Variants in PIK3C2A observed in about 807,000 individuals in gnomAD.
PIK3C2A encodes the protein phosphatidylinositol-4-phosphate 3-kinase catalytic subunit type 2 alpha, also known as phosphatidylinositol 4-phosphate 3-kinase C2 domain-containing subunit alpha.
Under a neutral mutation model 204.5 loss-of-function variants are expected in PIK3C2A, and 97 were observed. That is an observed-to-expected ratio of 0.47 (90% CI 0.40 to 0.56). PIK3C2A has a LOEUF of 0.56. Ranked by LOEUF, PIK3C2A falls within the 20% of genes least tolerant of loss-of-function variation. The pLI, the probability that PIK3C2A is intolerant of heterozygous loss-of-function variation, is 0.00. For synonymous variants in PIK3C2A, 653 were observed against 664.4 expected (o/e 0.98, Z 0.26); for missense variants, 1,735 against 1,969.2 (o/e 0.88, Z 2.25).
At chr11:17,143,623 TAAAAAAAAAAAA>T (rs56407565) in intron 8 of PIK3C2A, among the ~76,000 whole-genome samples, 2 of 141,622 alleles carry the variant, frequency 1.4e-5, no homozygotes, top group Non-Finnish European at 3.1e-5. Flanking sequence ...AAGAATATGT[TAAAAAAAAAAAA>T]AACAAAAAAA....
chr11:17,187,606 T>A (rs189667734), intron 1 of PIK3C2A, among the ~76,000 whole-genome samples: 1 of 152,056 alleles, frequency 6.6e-6, no homozygotes, highest in African/African-American at 2.4e-5. Context: ...TGGAGAAGTA[T>A]GAAAAACTAA....
intron 2 of PIK3C2A, among the ~76,000 whole-genome samples, chr11:17,157,132 T>C (rs1850621236): frequency 6.6e-6 from 1 of 152,182 alleles, no homozygotes; most frequent in Non-Finnish European, 1.5e-5. Flanking sequence ...GGGGCTCTTG[T>C]TTCCTCATTT....
At chr11:17,182,429 T>G (rs955416061) in intron 1 of PIK3C2A, among the ~76,000 whole-genome samples, 2 of 152,040 alleles carry the variant, frequency 1.3e-5, no homozygotes, top group East Asian at 3.9e-4. Context: ...TAGCTAGGCA[T>G]GGTGGCGCAT....
chr11:17,126,784 T>C (rs2137364036), intron 13 of PIK3C2A, among the ~76,000 whole-genome samples: 1 of 152,340 alleles, frequency 6.6e-6, no homozygotes, highest in Admixed American at 6.5e-5. Context: ...GGATGCAAAC[T>C]ATTTAAATGT....
chr11:17,184,552 T>C (rs1479573200), intron 1 of PIK3C2A, among the ~76,000 whole-genome samples: 1 of 152,176 alleles, frequency 6.6e-6, no homozygotes, highest in African/African-American at 2.4e-5. Context: ...TGTTCTTATA[T>C]GTTATTACAA....
Position 17,087,594 on chromosome 11 carries a change from T to A in PIK3C2A, c.*2144A>T, listed in dbSNP as rs1158651221. On this transcript the variant is annotated 3_prime_UTR_variant, in exon 33 of 33. Transcript: ENST00000691414. ...TAATAGACTGCAAAAAGGCAGTACA[T>A]GTTGAGTCTAATTAACGACCTCTAC... 6.6e-6 allele frequency: 1 copy of A among 152,222 alleles called. No homozygotes were observed. Among genetic ancestry groups the A allele is most frequent in the African/African-American group, 2.4e-5 (1 of 41,458 alleles). 9.4% of individuals were successfully genotyped at this position (152,222 alleles called of 1,614,324 possible).
At position 17,097,071 on chromosome 11, in the gene PIK3C2A, G is replaced by C; in HGVS notation, c.4312C>G (p.Pro1438Ala). 1 of 1,559,128 alleles carries C rather than the reference G, an allele frequency of 6.4e-7. No individual in the cohort carries two copies. The highest frequency in any genetic ancestry group is 8.8e-7 in the Non-Finnish European group (1 of 1,130,432). ...ATCAAACTTACATAATGTTTATCTGGGTTGTATTTCTTATGATATGTAAAA... is the reference window on the plus strand; with the variant it reads ...ATCAAACTTACATAATGTTTATCTGCGTTGTATTTCTTATGATATGTAAAA... ...SVFTYHKKYN[P>A]DKHYIYVVRI... is the part of the protein sequence containing the mutation. Residue 1438 changes from proline (P) to alanine (A), a missense_variant, in exon 27 of 33, where the codon CCA becomes GCA. This residue lies in a region of PIK3C2A where 503 missense variants were observed against 669.0 expected (regional missense o/e 0.75). Transcript: ENST00000691414.
At chr11:17,151,532 ATGTAACCATTAG>A (rs1565276443) in intron 3 of PIK3C2A, among the ~76,000 whole-genome samples, 1 of 152,212 alleles carries the variant, frequency 6.6e-6, no homozygotes, top group African/African-American at 2.4e-5. Flanking sequence ...GAGGTAGCAC[ATGTAACCATTAG>A]TGCATAGCCT....
chr11:17,192,006 G>A (rs996470264), intron 1 of PIK3C2A, among the ~76,000 whole-genome samples: 9 of 151,634 alleles, frequency 5.9e-5, no homozygotes, highest in South Asian at 2.1e-4. Context: ...ATTAGCCAGC[G>A]TGGTGGTGCA....
chr11:17,181,799 A>G (rs1191873101), intron 1 of PIK3C2A, among the ~76,000 whole-genome samples: 2 of 151,988 alleles, frequency 1.3e-5, no homozygotes, highest in African/African-American at 2.4e-5. Flanking sequence ...ATGATTATCA[A>G]AAGTTAGAAT....
At chr11:17,091,747 A>T in intron 30 of PIK3C2A, 91 bp from the exon 31 acceptor site, 1 of 850,736 alleles carries the variant, frequency 1.2e-6, no homozygotes, top group Non-Finnish European at 1.9e-6. Flanking sequence ...AGACTGTCAC[A>T]TGTGGTGCGG....
rs113567447 is a variant in PIK3C2A at position 17,205,130 on chromosome 11, T to A, written c.-66+2718A>T. Among the ~76,000 whole-genome samples the A allele has an allele frequency of 2.3e-3, 341 of 151,300 alleles. 2 individuals carry two copies. The highest frequency in any genetic ancestry group is 1.9e-3 in the Non-Finnish European group (128 of 67,882). ...AGGCAAAAGTTTCAGTGAGCTGAGA[T>A]CACGCCACTGCACTCCAGCCTGGGT... On this transcript the variant is annotated intron_variant, in intron 1 of 32. Coordinates refer to ENST00000691414, the MANE Select transcript of PIK3C2A (RefSeq NM_002645.4).
At chr11:17,128,172 T>C (rs557964232) in intron 13 of PIK3C2A, among the ~76,000 whole-genome samples, 2 of 152,278 alleles carry the variant, frequency 1.3e-5, no homozygotes, top group South Asian at 4.1e-4. Context: ...AGTAAATATA[T>C]TGCCATAAGA....
chr11:17,139,786 G>A (rs1021999105), intron 8 of PIK3C2A, among the ~76,000 whole-genome samples: 1 of 152,018 alleles, frequency 6.6e-6, no homozygotes, highest in Non-Finnish European at 1.5e-5. Context: ...CAACCCCTTT[G>A]CTTCCAGTCC....
At chr11:17,206,565 A>G (rs1363058683) in intron 1 of PIK3C2A, among the ~76,000 whole-genome samples, 1 of 151,538 alleles carries the variant, frequency 6.6e-6, no homozygotes, top group Non-Finnish European at 1.5e-5. Context: ...AGCCTGGGCG[A>G]CACAGTGAGA....
chr11:17,202,112 C>T (rs1852407940), intron 1 of PIK3C2A, among the ~76,000 whole-genome samples: 1 of 151,868 alleles, frequency 6.6e-6, no homozygotes, highest in Non-Finnish European at 1.5e-5. Flanking sequence ...AAAAATTATC[C>T]GGGCATGGTG....
At chr11:17,091,106 C>T (rs533310066) in intron 32 of PIK3C2A, among the ~76,000 whole-genome samples, 180 of 151,966 alleles carry the variant, frequency 1.2e-3, no homozygotes, top group African/African-American at 4.1e-3. Flanking sequence ...GGACAACACA[C>T]ACTGGGGCCT....
Position 17,099,886 on chromosome 11 carries a change from G to A in PIK3C2A, c.4092C>T (p.Asp1364=), listed in dbSNP as rs149020517. 5.3e-4 allele frequency: 822 copies of A among 1,551,072 alleles called. 1 individual carries two copies. The East Asian group carries it at 6.4e-3, about 12-fold the overall frequency. Residue 1364 remains aspartate, a synonymous_variant, in exon 26 of 33, where the codon GAC becomes GAT. Coordinates refer to ENST00000691414, the MANE Select transcript of PIK3C2A (RefSeq NM_002645.4). The part of the protein sequence containing the change: ...VRDALQPQTT[D]AEATIFFTRL... ...TAGTAAAGAAAATTGTAGCTTCTGC[G>A]TCTGTAGTTTGGGGTTGAAGTGCAT...
intron 1 of PIK3C2A, among the ~76,000 whole-genome samples, chr11:17,195,370 G>A (rs941620036): frequency 8.6e-5 from 13 of 151,384 alleles, no homozygotes; most frequent in East Asian, 1.9e-4. Context: ...CCGAGATGGC[G>A]CCACTGCATT....
Sources: gnomAD v4.1 joint callset for allele counts (sites outside exome capture counted in the v4.1 genomes callset) on GRCh38, gnomAD v4.1.1 for gene constraint, gnomAD v4.1.1 regional missense constraint, MANE v1.5 for transcripts, NCBI Gene and HGNC (gene_info 2026-07-23, HGNC 2026-07-21) for gene names.